SMURF2: variants seen among roughly 807,000 people sequenced by gnomAD.
The protein encoded by SMURF2 is SMAD specific E3 ubiquitin protein ligase 2, also known as E3 ubiquitin-protein ligase SMURF2.
In SMURF2, 48 loss-of-function variants were observed where a neutral mutation model predicts 109.6. The observed-to-expected ratio is 0.44, with a 90% CI of 0.35 to 0.56. The LOEUF (loss-of-function observed/expected upper bound fraction) is 0.56, where lower values mean the gene tolerates loss of function less well. SMURF2 is among the 20% of genes least tolerant of loss of function. The pLI is 0.01. For missense variants in SMURF2, 575 were observed against 909.0 expected, an observed-to-expected ratio of 0.63 and a Z score of 4.72; for synonymous variants, 288 against 317.1, an observed-to-expected ratio of 0.91 and a Z score of 0.97.
At chr17:64,546,424 C>A in intron 17 of SMURF2, 86 bp from the exon 18 acceptor site, 2 of 1,169,458 alleles carry the variant, frequency 1.7e-6, no homozygotes, top group South Asian at 1.3e-5. Flanking sequence ...GTAAGTTAAC[C>A]ACAGGATCTG....
chr17:64,613,673 AGTGTGTGTGTGTGTGTGTGTGTGT>A (rs61060865), intron 1 of SMURF2, among the ~76,000 whole-genome samples: 77 of 20,794 alleles, frequency 3.7e-3, no homozygotes, highest in Non-Finnish European at 5.2e-3. Context: ...TCCACGGACC[AGTGTGTGTGTGTGTGTGTGTGTGT>A]GTGTGTGTGT....
intron 1 of SMURF2, among the ~76,000 whole-genome samples, chr17:64,623,687 T>G (rs533564121): frequency 6.6e-6 from 1 of 152,268 alleles, no homozygotes; most frequent in East Asian, 1.9e-4. Flanking sequence ...CCGAGTTCCA[T>G]TGAAATTACC....
rs369183691 is a variant in SMURF2 at position 64,658,224 on chromosome 17, G to A, written c.52+3605C>T. The stretch of plus-strand genomic sequence containing the variant: ...CAAAAAAAACCAGCCAGGCGTGGTG[G>A]TGGGCGCCTGTAATCCCACCTACTC... On this transcript the variant is annotated intron_variant, in intron 1 of 18. Coordinates refer to ENST00000262435, the MANE Select transcript of SMURF2 (RefSeq NM_022739.4). Among the ~76,000 whole-genome samples, 25 of 152,280 alleles carry A rather than the reference G, an allele frequency of 1.6e-4. 1 individual carries two copies. The highest frequency in any genetic ancestry group is 5.5e-4 in the African/African-American group (23 of 41,556).
At chr17:64,552,134 G>A (rs1214648667) in intron 15 of SMURF2, among the ~76,000 whole-genome samples, 1 of 152,090 alleles carries the variant, frequency 6.6e-6, no homozygotes, top group Non-Finnish European at 1.5e-5. Context: ...TCTATTTGAG[G>A]GAGGCCTACG....
At chr17:64,594,310 TATCATTC>T (rs1465317233) in intron 3 of SMURF2, among the ~76,000 whole-genome samples, 1 of 152,206 alleles carries the variant, frequency 6.6e-6, no homozygotes. Context: ...GATCTTAAAG[TATCATTC>T]AATAAATTAC....
chr17:64,639,758 C>CT (rs1970470136), intron 1 of SMURF2, among the ~76,000 whole-genome samples: 1 of 152,084 alleles, frequency 6.6e-6, no homozygotes, highest in African/African-American at 2.4e-5. Context: ...ACTATAAACT[C>CT]TAAGACTTCT....
At chr17:64,549,262 C>CAAAAAAAAAAA (rs577973821) in intron 16 of SMURF2, among the ~76,000 whole-genome samples, 2 of 41,568 alleles carry the variant, frequency 4.8e-5, no homozygotes, top group Admixed American at 3.2e-4. Context: ...ACTGTGTCTC[C>CAAAAAAAAAAA]AAAAAAAAAA....
At chr17:64,597,831 T>A in intron 3 of SMURF2, among the ~76,000 whole-genome samples, 1 of 150,174 alleles carries the variant, frequency 6.7e-6, no homozygotes, top group East Asian at 1.9e-4. Context: ...TAAAATAAAA[T>A]ACATATCTAG....
intron 9 of SMURF2, among the ~76,000 whole-genome samples, chr17:64,578,278 G>A (rs1969527244): frequency 6.6e-6 from 1 of 152,050 alleles, no homozygotes. Context: ...GCAGGGGAGG[G>A]TGGCTAGGAA....
rs137921988 is a variant in SMURF2, at chr17:64,557,632, G to A, written c.1407C>T (p.Ile469=). The A allele has an allele frequency of 8.5e-5, 136 of 1,601,954 alleles. No individual in the cohort carries two copies. In the African/African-American group the frequency reaches 1.4e-3, roughly 17 times the overall value. ...CCGGATTAACTGCAGAATCAGGATT[G>A]ATCTGCAATGTATAAATATCATCTC... ...YSRDDIYTLQ[I]NPDSAVNPEH... The change falls in exon 13 of 19, where the codon ATC becomes ATT. Residue 469 remains isoleucine, a synonymous_variant. Coordinates refer to ENST00000262435, the MANE Select transcript of SMURF2 (RefSeq NM_022739.4).
intron 10 of SMURF2, among the ~76,000 whole-genome samples, chr17:64,566,344 T>C (rs1297974278): frequency 1.3e-5 from 2 of 151,864 alleles, no homozygotes; most frequent in Non-Finnish European, 2.9e-5. Flanking sequence ...TAAAAACTAA[T>C]TTATCACTTT....
intron 2 of SMURF2, among the ~76,000 whole-genome samples, chr17:64,602,599 G>A (rs1350307175): frequency 6.6e-6 from 1 of 152,260 alleles, no homozygotes; most frequent in East Asian, 1.9e-4. Context: ...ACATCTAGTG[G>A]TAAACACAAA....
rs1374589687 is a variant in SMURF2 at position 64,544,413 on chromosome 17, A to G, written c.*1435T>C. On this transcript the variant is annotated 3_prime_UTR_variant, in exon 19 of 19. Coordinates refer to ENST00000262435, the MANE Select transcript of SMURF2 (RefSeq NM_022739.4). ...TAACTTTAAATTTTGCAGCTTAATT[A>G]TCATGAAAATTTGCTTATTTCACAT... 6.6e-6 allele frequency: 1 copy of G among 150,914 alleles called. No individual in the cohort carries two copies. Among genetic ancestry groups the G allele is most frequent in the African/African-American group, 2.5e-5 (1 of 40,276 alleles). 9.3% of individuals were successfully genotyped at this position (150,914 alleles called of 1,614,324 possible).
intron 1 of SMURF2, 71 bp downstream of exon 1, chr17:64,661,757 CA>C: frequency 8.9e-7 from 1 of 1,127,868 alleles, no homozygotes; most frequent in East Asian, 3.5e-5. Context: ...TGGCCCTTCC[CA>C]AGGCCACAGG....
At chr17:64,605,207 C>T (rs532008189) in intron 2 of SMURF2, among the ~76,000 whole-genome samples, 4 of 152,258 alleles carry the variant, frequency 2.6e-5, no homozygotes, top group African/African-American at 9.6e-5. Flanking sequence ...CTGTGACAAG[C>T]TTCTGGCGAG....
At chr17:64,586,750 C>CAAAA (rs782490512) in intron 5 of SMURF2, among the ~76,000 whole-genome samples, 20 of 27,434 alleles carry the variant, frequency 7.3e-4, no homozygotes, top group South Asian at 1.9e-3. Flanking sequence ...GACTCCGTCT[C>CAAAA]AAAAAAAAAA....
At chr17:64,645,454 G>A (rs1319078826) in intron 1 of SMURF2, among the ~76,000 whole-genome samples, 5 of 152,214 alleles carry the variant, frequency 3.3e-5, no homozygotes, top group African/African-American at 1.2e-4. Flanking sequence ...TCTGGAGGTT[G>A]AGGCAGGAGG....
At chr17:64,557,478 G>A (rs1387875995) in intron 13 of SMURF2, 130 bp downstream of exon 13, 1 of 636,786 alleles carries the variant, frequency 1.6e-6, no homozygotes, top group African/African-American at 1.9e-5. Flanking sequence ...AAATTTTATA[G>A]AAGGGGAATT....
intron 1 of SMURF2, among the ~76,000 whole-genome samples, chr17:64,630,151 G>A (rs781967104): frequency 4.6e-5 from 7 of 151,882 alleles, no homozygotes; most frequent in Non-Finnish European, 8.8e-5. Flanking sequence ...CAGGAGAATC[G>A]CTTGAACCTG....
Sources: gnomAD v4.1 joint callset for allele counts (sites outside exome capture counted in the v4.1 genomes callset) on GRCh38, gnomAD v4.1.1 for gene constraint, MANE v1.5 for transcripts, NCBI Gene and HGNC (gene_info 2026-07-23, HGNC 2026-07-21) for gene names.